The following HIF1A variants were observed in gnomAD, a reference collection of about 807,000 sequenced individuals.
HIF1A encodes the protein hypoxia inducible factor 1 subunit alpha.
A neutral mutation model predicts 92.7 loss-of-function variants in HIF1A; 24 were observed. That is an observed-to-expected ratio of 0.26 (90% CI 0.19 to 0.36). The LOEUF (loss-of-function observed/expected upper bound fraction) is 0.36. HIF1A is among the 10% of genes least tolerant of loss of function. HIF1A has a pLI of 1.00. For missense variants in HIF1A, 799 were observed against 998.5 expected (o/e 0.80, Z 2.69); for synonymous variants, 319 against 338.7 (o/e 0.94, Z 0.64).
intron 1 of HIF1A, among the ~76,000 whole-genome samples, chr14:61,709,328 T>C (rs571581017): frequency 6.6e-6 from 1 of 152,336 alleles, no homozygotes; most frequent in African/African-American, 2.4e-5. Flanking sequence ...TTCTTACAAG[T>C]AATATTTCAA....
At chr14:61,740,102 CTG>C (rs2044689950) in intron 10 of HIF1A, 1 of 118,930 alleles carries the variant, frequency 8.4e-6, no homozygotes, top group Non-Finnish European at 1.6e-5. Context: ...GAGTCTCACT[CTG>C]TCGCCAGGCT....
intron 4 of HIF1A, among the ~76,000 whole-genome samples, chr14:61,726,006 GAC>G (rs914146715): frequency 9.2e-5 from 14 of 151,758 alleles, no homozygotes; most frequent in Admixed American, 7.2e-4. Context: ...TTTTAGTAGA[GAC>G]AGGGTTTCAC....
Position 61,745,753 on chromosome 14 carries a change from A to T in HIF1A, c.2265A>T (p.Val755=). 6.2e-7 allele frequency: 1 copy of T among 1,611,286 alleles called. No homozygotes were observed. Among genetic ancestry groups the T allele is most frequent in the Non-Finnish European group, 8.5e-7 (1 of 1,177,396 alleles). ...CTACATCACTTTCTTGGAAACGTGT[A>T]AAAGGATGCAAATCTAGTGAACAGA... ...AATTSLSWKR[V]KGCKSSEQNG... Residue 755 remains valine (V), a synonymous_variant, in exon 14 of 15, where the codon GTA becomes GTT. Coordinates refer to ENST00000337138, the MANE Select transcript of HIF1A (RefSeq NM_001530.4).
Position 61,729,985 on chromosome 14 carries a change from T to A in HIF1A, c.773+2330T>A, listed in dbSNP as rs1032850992. 7.9e-5 allele frequency among the ~76,000 whole-genome samples: 12 copies of A among 152,284 alleles called. No homozygotes were observed. The South Asian group carries it at 2.5e-3, about 32-fold the overall frequency. ...CTCAATTTTAAGAAAATCTAACATA[T>A]CAAGCTCCTCAACTCCAAAATATTC... On this transcript the variant is annotated intron_variant, in intron 6 of 14. Transcript: ENST00000337138.
intron 4 of HIF1A, among the ~76,000 whole-genome samples, chr14:61,725,783 T>A (rs73331650): frequency 0.011 from 1,728 of 152,144 alleles, 35 homozygotes; most frequent in African/African-American, 0.038. Flanking sequence ...GGTTTGAAAT[T>A]GGAGTGAATA....
Position 61,745,774 on chromosome 14 carries a change from A to G in HIF1A, c.2286A>G (p.Glu762=). 6.2e-7 allele frequency: 1 copy of G among 1,612,652 alleles called. No homozygotes were observed. The highest frequency in any genetic ancestry group is 1.3e-5 in the African/African-American group (1 of 75,018). The stretch of plus-strand genomic sequence containing the variant: ...GTGTAAAAGGATGCAAATCTAGTGA[A>G]CAGAATGGAATGGAGCAAAAGACAA... ...WKRVKGCKSS[E]QNGMEQKTII... Residue 762 remains glutamate (E), a synonymous_variant, in exon 14 of 15, where the codon GAA becomes GAG. Transcript: ENST00000337138.
chr14:61,712,480 T>C (rs1308922913), intron 1 of HIF1A, among the ~76,000 whole-genome samples: 1 of 151,270 alleles, frequency 6.6e-6, no homozygotes. Context: ...ACTTGATTTC[T>C]TGTTAAAAGG....
chr14:61,744,869 G>A (rs1178033285), intron 13 of HIF1A, 56 bp downstream of exon 13: 1 of 601,736 alleles, frequency 1.7e-6, no homozygotes. Context: ...TCGTGTGTGT[G>A]TGTGTGTGTG....
chr14:61,704,534 A>G (rs2044214954), intron 1 of HIF1A, among the ~76,000 whole-genome samples: 1 of 152,190 alleles, frequency 6.6e-6, no homozygotes, highest in South Asian at 2.1e-4. Context: ...ATCTCATTAA[A>G]TGTCTTTTAA....
intron 6 of HIF1A, among the ~76,000 whole-genome samples, chr14:61,728,588 A>C (rs2044536627): frequency 6.6e-6 from 1 of 152,184 alleles, no homozygotes; most frequent in African/African-American, 2.4e-5. Flanking sequence ...AAAACTTTGG[A>C]AGTCATCTGT....
chr14:61,699,060 A>G (rs1395034726), intron 1 of HIF1A: 2 of 152,238 alleles, frequency 1.3e-5, no homozygotes, highest in South Asian at 2.1e-4. Context: ...GCTACGTGGT[A>G]GAAAAACTGT....
chr14:61,734,109 TG>T, intron 7 of HIF1A, 28 bp from the exon 8 acceptor site: 1 of 1,455,418 alleles, frequency 6.9e-7, no homozygotes, highest in Non-Finnish European at 9.2e-7. Flanking sequence ...ATATTTTCTC[TG>T]CATGATTCTT....
At chr14:61,746,188 C>T (rs2044783801) in intron 14 of HIF1A, among the ~76,000 whole-genome samples, 1 of 144,940 alleles carries the variant, frequency 6.9e-6, no homozygotes, top group African/African-American at 2.6e-5. Flanking sequence ...GGCACCACTG[C>T]ACTCCAGCCT....
At position 61,747,180 on chromosome 14, in the gene HIF1A, G is replaced by A. The variant is rs1343396726; in HGVS notation, c.*95G>A. 9 of 1,086,176 alleles carry A rather than the reference G, an allele frequency of 8.3e-6. No homozygotes were observed. The East Asian group carries it at 2.2e-4, about 27-fold the overall frequency. 67.3% of individuals were successfully genotyped at this position (1,086,176 alleles called of 1,614,324 possible). On this transcript the variant is annotated 3_prime_UTR_variant, in exon 15 of 15. Coordinates refer to ENST00000337138, the MANE Select transcript of HIF1A (RefSeq NM_001530.4). ...TTCTACATCTAATTTTAGAAGCCTG[G>A]CTACAATACTGCACAAACTTGGTTA...
At chr14:61,718,518 G>T (rs192191879) in intron 1 of HIF1A, among the ~76,000 whole-genome samples, 2 of 152,218 alleles carry the variant, frequency 1.3e-5, no homozygotes, top group Admixed American at 6.5e-5. Flanking sequence ...GTGTATGCTG[G>T]AGTTATTATC....
At chr14:61,724,667 C>CT (rs550785154) in intron 4 of HIF1A, among the ~76,000 whole-genome samples, 86 of 152,140 alleles carry the variant, frequency 5.7e-4, no homozygotes, top group African/African-American at 2.0e-3. Flanking sequence ...TTTCAATATA[C>CT]TAGCATTACA....
chr14:61,726,033 C>T (rs938942346), intron 4 of HIF1A, among the ~76,000 whole-genome samples: 7 of 149,052 alleles, frequency 4.7e-5, no homozygotes, highest in African/African-American at 7.4e-5. Flanking sequence ...TTGGCCAGGC[C>T]GGTTTCGAAC....
intron 12 of HIF1A, among the ~76,000 whole-genome samples, chr14:61,742,933 T>C (rs1216591324): frequency 7.8e-6 from 1 of 128,804 alleles, no homozygotes; most frequent in Non-Finnish European, 1.7e-5. Flanking sequence ...GATGCATGAA[T>C]ACAGTAGTAA....
intron 1 of HIF1A, among the ~76,000 whole-genome samples, chr14:61,711,639 T>C (rs1011574204): frequency 6.6e-6 from 1 of 152,198 alleles, no homozygotes; most frequent in Non-Finnish European, 1.5e-5. Context: ...TTTTAATTGA[T>C]AGCTGTTTTT....
Sources: gnomAD v4.1 joint callset for allele counts (sites outside exome capture counted in the v4.1 genomes callset) on GRCh38, gnomAD v4.1.1 for gene constraint, MANE v1.5 for transcripts, NCBI Gene and HGNC (gene_info 2026-07-23, HGNC 2026-07-21) for gene names.